Variants in ANKRD11 observed in about 807,000 individuals in gnomAD.
The protein encoded by ANKRD11 is ankyrin repeat domain-containing protein 11.
A neutral mutation model predicts 195.7 loss-of-function variants in ANKRD11; 17 were observed. That is an observed-to-expected ratio of 0.09 (90% CI 0.06 to 0.13). ANKRD11 has a LOEUF of 0.13. Ranked by LOEUF, ANKRD11 falls within the 10% of genes least tolerant of loss-of-function variation. The probability of loss-of-function intolerance (pLI) is 1.00; values close to 1 mark genes in which losing one functional copy is unlikely to be tolerated. For missense variants in ANKRD11, 3,735 were observed against 3,566.1 expected, an observed-to-expected ratio of 1.05 and a Z score of -1.21; for synonymous variants, 1,953 against 1,528.1, an observed-to-expected ratio of 1.28 and a Z score of -6.49.
intron 2 of ANKRD11, among the ~76,000 whole-genome samples, chr16:89,383,558 T>C (rs995826990): frequency 6.6e-6 from 1 of 152,152 alleles, no homozygotes; most frequent in Non-Finnish European, 1.5e-5. Context: ...GAAGTTCCCA[T>C]GGAACAAAGC....
chr16:89,397,477 C>A (rs2041494087), intron 2 of ANKRD11, among the ~76,000 whole-genome samples: 2 of 152,354 alleles, frequency 1.3e-5, no homozygotes, highest in South Asian at 4.1e-4. Context: ...AGGAAGCAGG[C>A]CTTCCCCGTG....
intron 7 of ANKRD11, 90 bp from the exon 8 acceptor site, chr16:89,286,276 C>T: frequency 6.4e-7 from 1 of 1,568,666 alleles, no homozygotes; most frequent in Non-Finnish European, 8.7e-7. Flanking sequence ...TTCCGAGAAC[C>T]CTGGGGTTCG....
chr16:89,485,212 G>C (rs991045649), intron 1 of ANKRD11, among the ~76,000 whole-genome samples: 2 of 151,996 alleles, frequency 1.3e-5, no homozygotes, highest in Non-Finnish European at 2.9e-5. Flanking sequence ...GGCTAGGCGC[G>C]GTAGTTCACA....
chr16:89,317,142 C>G (rs1597607577), intron 2 of ANKRD11, 64 bp from the exon 3 acceptor site: 1 of 1,072,666 alleles, frequency 9.3e-7, no homozygotes, highest in East Asian at 2.6e-5. Flanking sequence ...TCCACTCTCA[C>G]ACCGCACTCA....
rs2034384032 is a variant in ANKRD11, at chr16:89,282,933, T to C, written c.3609A>G (p.Glu1203=). Residue 1203 remains glutamate (E), a synonymous_variant, in exon 9 of 13, where the codon GAA becomes GAG. Coordinates refer to ENST00000301030, the MANE Select transcript of ANKRD11 (RefSeq NM_013275.6). ...AGRDKKEKVF[E]KHKEKKDKES... The stretch of plus-strand genomic sequence containing the variant: ...CTTTATCCTTCTTCTCCTTGTGCTT[T>C]TCAAAGACTTTCTCTTTTTTGTCTC... 2 of 1,613,352 alleles carry C rather than the reference T, an allele frequency of 1.2e-6. No individual in the cohort carries two copies.
intron 2 of ANKRD11, among the ~76,000 whole-genome samples, chr16:89,392,894 T>G (rs954294795): frequency 2.0e-5 from 3 of 151,862 alleles, no homozygotes; most frequent in African/African-American, 4.8e-5. Context: ...AGTGAACTTG[T>G]GTCTAATCAC....
rs760761901 is a variant in ANKRD11 at position 89,275,150 on chromosome 16, C to T, written c.7512G>A (p.Leu2504=). 15 of 1,611,364 alleles carry T rather than the reference C, an allele frequency of 9.3e-6. No individual in the cohort carries two copies. The South Asian group carries it at 1.3e-4, about 14-fold the overall frequency. Residue 2504 remains leucine (L), a synonymous_variant, in exon 10 of 13, where the codon CTG becomes CTA. Transcript: ENST00000301030. ...PPSLAEPLKE[L]FRQQEAVRGK... ...CCCGGACGGCCTCCTGCTGCCTGAACAGCTCCTTCAGGGGCTCCGCCAGGG... is the reference window on the plus strand; with the variant it reads ...CCCGGACGGCCTCCTGCTGCCTGAATAGCTCCTTCAGGGGCTCCGCCAGGG...
At chr16:89,382,081 G>C (rs754422641) in intron 2 of ANKRD11, among the ~76,000 whole-genome samples, 17 of 152,208 alleles carry the variant, frequency 1.1e-4, no homozygotes, top group Non-Finnish European at 1.6e-4. Context: ...ATGGGGCCCA[G>C]GCAGGCGCCA....
At chr16:89,337,240 G>T (rs1036842431) in intron 2 of ANKRD11, among the ~76,000 whole-genome samples, 27 of 151,634 alleles carry the variant, frequency 1.8e-4, no homozygotes, top group Non-Finnish European at 2.9e-5. Context: ...CAGATTAATG[G>T]AGGAAGCCCC....
Position 89,397,803 on chromosome 16 carries a change from G to T in ANKRD11, c.-60+20481C>A, listed in dbSNP as rs3890013. ...ACTGGAGTGGAGCCCTTGGCAGCAG[G>T]CGGTGGCCAGGGACAAGCGGCCCGT... On this transcript the variant is annotated intron_variant, in intron 2 of 12. Transcript: ENST00000301030. Among the ~76,000 whole-genome samples the T allele has an allele frequency of 3.6e-3, 543 of 152,320 alleles. 1 individual carries two copies. Among genetic ancestry groups the T allele is most frequent in the Non-Finnish European group, 5.5e-3 (372 of 68,028 alleles).
At chr16:89,297,143 C>G (rs28661537) in intron 4 of ANKRD11, among the ~76,000 whole-genome samples, 4,059 of 152,338 alleles carry the variant, frequency 0.027, 178 homozygotes, top group African/African-American at 0.093. Flanking sequence ...AGCTGCTCAT[C>G]TGAACAAATG....
intron 6 of ANKRD11, chr16:89,289,091 G>A: frequency 3.6e-6 from 1 of 278,840 alleles, no homozygotes; most frequent in East Asian, 9.7e-5. Context: ...AGGCTGAAGA[G>A]CTGCTACAGC....
chr16:89,385,226 G>A (rs1383685381), intron 2 of ANKRD11, among the ~76,000 whole-genome samples: 1 of 151,474 alleles, frequency 6.6e-6, no homozygotes, highest in African/African-American at 2.4e-5. Flanking sequence ...GTCTCCCTCT[G>A]TCACCCAGGC....
chr16:89,326,357 G>A (rs1432945211), intron 2 of ANKRD11, among the ~76,000 whole-genome samples: 2 of 152,132 alleles, frequency 1.3e-5, no homozygotes, highest in South Asian at 2.1e-4. Context: ...AGGACGGTCT[G>A]CAGAAGGGGA....
intron 2 of ANKRD11, chr16:89,340,005 T>C (rs1334863893): frequency 2.0e-5 from 3 of 152,262 alleles, no homozygotes; most frequent in Admixed American, 1.3e-4. Context: ...ACTATTCTTA[T>C]GACAACTGCA....
intron 1 of ANKRD11, among the ~76,000 whole-genome samples, chr16:89,451,958 G>T (rs552624247): frequency 6.6e-6 from 1 of 151,980 alleles, no homozygotes; most frequent in African/African-American, 2.4e-5. Context: ...TTAACCTCTG[G>T]TATCAAATAG....
At chr16:89,326,654 ACC>A (rs1297325536) in intron 2 of ANKRD11, among the ~76,000 whole-genome samples, 1 of 152,064 alleles carries the variant, frequency 6.6e-6, no homozygotes, top group African/African-American at 2.4e-5. Context: ...AGGCAGGAAG[ACC>A]CCTTGGGCCC....
chr16:89,465,835 C>T (rs868405650), intron 1 of ANKRD11, among the ~76,000 whole-genome samples: 13 of 152,258 alleles, frequency 8.5e-5, no homozygotes, highest in Middle Eastern at 3.4e-3. Context: ...CTCAGCCTCC[C>T]GAGTAGCTGG....
chr16:89,327,529 A>C (rs1002751867), intron 2 of ANKRD11, among the ~76,000 whole-genome samples: 12 of 152,294 alleles, frequency 7.9e-5, no homozygotes, highest in Non-Finnish European at 1.6e-4. Context: ...GCAAGGACAC[A>C]GAATCCAAGA....
Sources: allele counts gnomAD v4.1 joint callset (sites outside exome capture counted in the v4.1 genomes callset), GRCh38; gene constraint gnomAD v4.1.1; transcripts MANE v1.5; gene names NCBI Gene and HGNC (gene_info 2026-07-23, HGNC 2026-07-21).